The following GRIN3A variants were observed in gnomAD, a reference collection of about 807,000 sequenced individuals.
GRIN3A encodes glutamate ionotropic receptor NMDA type subunit 3A.
In GRIN3A, 47 loss-of-function variants were observed where a neutral mutation model predicts 92.4. That is an observed-to-expected ratio of 0.51 (90% CI 0.40 to 0.65). GRIN3A has a LOEUF of 0.65. GRIN3A is among the 30% of genes least tolerant of loss of function. GRIN3A has a pLI of 0.00. For missense variants in GRIN3A, 1,324 were observed against 1,393.1 expected (o/e 0.95, Z 0.79); for synonymous variants, 527 against 540.6 (o/e 0.97, Z 0.35).
intron 6 of GRIN3A, among the ~76,000 whole-genome samples, chr9:101,581,248 G>A (rs1827883282): frequency 6.6e-6 from 1 of 152,058 alleles, no homozygotes; most frequent in South Asian, 2.1e-4. Context: ...GGTTGGGTGG[G>A]GAAAGTGAAC....
chr9:101,670,295 T>G lies in GRIN3A; in HGVS notation c.2117A>C (p.Lys706Thr). ...GAAGACTTTACTTCTATTTCGCCCCTTGGGAGTCAAACCAAATGGACTCTT... is the reference window on the plus strand; with the variant it reads ...GAAGACTTTACTTCTATTTCGCCCCGTGGGAGTCAAACCAAATGGACTCTT... Reference protein sequence around the residue: ...EWKSPFGLTPKGRNRSKVFSF... With the variant: ...EWKSPFGLTPTGRNRSKVFSF... Residue 706 changes from lysine to threonine, a missense_variant, in exon 3 of 9, where the codon AAG becomes ACG. Coordinates refer to ENST00000361820, the MANE Select transcript of GRIN3A (RefSeq NM_133445.3). 6.2e-7 allele frequency: 1 copy of G among 1,614,036 alleles called. No individual in the cohort carries two copies. Among genetic ancestry groups the G allele is most frequent in the Non-Finnish European group, 8.5e-7 (1 of 1,179,964 alleles).
At chr9:101,726,775 G>A (rs981066851) in intron 1 of GRIN3A, among the ~76,000 whole-genome samples, 1 of 147,664 alleles carries the variant, frequency 6.8e-6, no homozygotes, top group Admixed American at 6.7e-5. Flanking sequence ...TTTTATTTTT[G>A]TGGGTACATA....
chr9:101,595,532 A>T (rs1040530076), intron 6 of GRIN3A, among the ~76,000 whole-genome samples: 5 of 152,108 alleles, frequency 3.3e-5, no homozygotes, highest in Admixed American at 6.5e-5. Flanking sequence ...GCATTGATAT[A>T]GTATGTTTTC....
chr9:101,730,756 C>T (rs936204811), intron 1 of GRIN3A, among the ~76,000 whole-genome samples: 7 of 152,024 alleles, frequency 4.6e-5, no homozygotes, highest in South Asian at 2.1e-4. Context: ...ACATACACTA[C>T]AATTTATTCT....
chr9:101,640,377 C>G (rs1828840145), intron 3 of GRIN3A, among the ~76,000 whole-genome samples: 1 of 152,154 alleles, frequency 6.6e-6, no homozygotes, highest in Non-Finnish European at 1.5e-5. Context: ...CTTCTTCTTT[C>G]TTTGCAAATT....
intron 1 of GRIN3A, among the ~76,000 whole-genome samples, chr9:101,703,304 C>A (rs1829776394): frequency 6.6e-6 from 1 of 152,158 alleles, no homozygotes; most frequent in Non-Finnish European, 1.5e-5. Flanking sequence ...TAGTTCCTGT[C>A]TCATACCCTG....
intron 1 of GRIN3A, among the ~76,000 whole-genome samples, chr9:101,707,133 G>A (rs1829823732): frequency 6.6e-6 from 1 of 152,202 alleles, no homozygotes; most frequent in African/African-American, 2.4e-5. Flanking sequence ...CAAACAGCAG[G>A]TTAAAAATGT....
At chr9:101,663,870 T>C (rs1360260987) in intron 3 of GRIN3A, among the ~76,000 whole-genome samples, 5 of 151,614 alleles carry the variant, frequency 3.3e-5, no homozygotes, top group Non-Finnish European at 7.4e-5. Flanking sequence ...TTTTTCTTTT[T>C]TTTTTTTTAT....
intron 3 of GRIN3A, among the ~76,000 whole-genome samples, chr9:101,630,091 G>T (rs1244853463): frequency 6.6e-6 from 1 of 152,152 alleles, no homozygotes; most frequent in East Asian, 1.9e-4. Context: ...AGCATTGTCT[G>T]TCCAACATCT....
At chr9:101,654,532 C>T (rs538903814) in intron 3 of GRIN3A, among the ~76,000 whole-genome samples, 19 of 151,632 alleles carry the variant, frequency 1.3e-4, no homozygotes, top group Non-Finnish European at 2.8e-4. Flanking sequence ...TCGTTTCCCA[C>T]TTTTTCCTCT....
chr9:101,670,931 C>T lies in GRIN3A; in HGVS notation c.1481G>A (p.Gly494Glu), dbSNP rs747379688. The change falls in exon 3 of 9, where the codon GGA becomes GAA. Residue 494 changes from glycine (G) to glutamate (E), a missense_variant. Gly to Glu is a moderately conservative substitution (Grantham distance 98). Coordinates refer to ENST00000361820, the MANE Select transcript of GRIN3A (RefSeq NM_133445.3). ...TCTCTGGGCCTGCTCTGGCCATATTCCATAGTCCATGACAATCTTTCCCCC... is the reference window on the plus strand; with the variant it reads ...TCTCTGGGCCTGCTCTGGCCATATTTCATAGTCCATGACAATCTTTCCCCC... The part of the protein sequence containing the change: ...WQGGKIVMDY[G>E]IWPEQAQRHK... 6.2e-7 allele frequency: 1 copy of T among 1,613,896 alleles called. No individual in the cohort carries two copies. The highest frequency in any genetic ancestry group is 8.5e-7 in the Non-Finnish European group (1 of 1,179,866).
At chr9:101,581,363 A>G (rs1051971095) in intron 6 of GRIN3A, among the ~76,000 whole-genome samples, 8 of 152,194 alleles carry the variant, frequency 5.3e-5, no homozygotes, top group African/African-American at 1.9e-4. Context: ...AAAAGTATAC[A>G]AGGCATGAAT....
rs1827738751 is a variant in GRIN3A at position 101,570,176 on chromosome 9, AT to A, written c.*2997del. On this transcript the variant is annotated 3_prime_UTR_variant, in exon 9 of 9. Transcript: ENST00000361820. ...ACACTCTGGGGCCTTGATTATTCTT[AT>A]TTACACGAACCAGGTAGCTATATCT... The A allele has an allele frequency of 6.6e-6, 1 of 152,006 alleles. No homozygotes were observed. The highest frequency in any genetic ancestry group is 6.5e-5 in the Admixed American group (1 of 15,270). The allele number at this position is 152,006 out of a possible 1,614,324, so 9.4% of individuals were successfully genotyped here.
chr9:101,573,579 G>A, intron 8 of GRIN3A, 66 bp from the exon 9 acceptor site: 1 of 1,275,712 alleles, frequency 7.8e-7, no homozygotes, highest in East Asian at 2.3e-5. Flanking sequence ...GTCTTCATCT[G>A]TTAGCCATTT....
chr9:101,700,972 G>T (rs963562796), intron 1 of GRIN3A, among the ~76,000 whole-genome samples: 2 of 152,120 alleles, frequency 1.3e-5, no homozygotes, highest in East Asian at 3.8e-4. Context: ...GCATAAAAGA[G>T]AAAGCAATTA....
At chr9:101,694,963 T>C (rs1464215833) in intron 1 of GRIN3A, among the ~76,000 whole-genome samples, 1 of 152,208 alleles carries the variant, frequency 6.6e-6, no homozygotes, top group African/African-American at 2.4e-5. Context: ...GTGGCTTTAT[T>C]TGGAGTCACT....
intron 5 of GRIN3A, among the ~76,000 whole-genome samples, chr9:101,616,187 G>C (rs560243472): frequency 6.6e-6 from 1 of 152,170 alleles, no homozygotes; most frequent in South Asian, 2.1e-4. Flanking sequence ...GTGAATCAGT[G>C]ACTATTATAC....
intron 1 of GRIN3A, among the ~76,000 whole-genome samples, chr9:101,689,019 G>A (rs560744367): frequency 6.6e-5 from 10 of 152,288 alleles, no homozygotes; most frequent in African/African-American, 2.4e-4. Flanking sequence ...TGAGGTGAGA[G>A]AAATGGAAGC....
Position 101,570,930 on chromosome 9 carries a change from A to G in GRIN3A, c.*2244T>C, listed in dbSNP as rs753669264. 3 of 152,606 alleles carry G rather than the reference A, an allele frequency of 2.0e-5. No individual in the cohort carries two copies. The highest frequency in any genetic ancestry group is 6.5e-5 in the Admixed American group (1 of 15,284). 9.5% of individuals were successfully genotyped at this position (152,606 alleles called of 1,614,324 possible). A position where few individuals can be genotyped will look rare whatever the true frequency, so the allele number is the denominator to read the frequency against. ...CTGAGTTACAAAAATGTCCATGTAC[A>G]TTAGGAGCATGGCTGTAATGTGGAT... is the stretch of plus-strand genomic sequence containing the variant. On this transcript the variant is annotated 3_prime_UTR_variant, in exon 9 of 9. Coordinates refer to ENST00000361820, the MANE Select transcript of GRIN3A (RefSeq NM_133445.3).
Sources: gnomAD v4.1 joint callset for allele counts (sites outside exome capture counted in the v4.1 genomes callset) on GRCh38, gnomAD v4.1.1 for gene constraint, MANE v1.5 for transcripts, NCBI Gene and HGNC (gene_info 2026-07-23, HGNC 2026-07-21) for gene names.